Variants in C13orf46 observed in about 807,000 individuals in gnomAD.
The protein encoded by C13orf46 is chromosome 13 open reading frame 46, also known as uncharacterized protein C13orf46.
chr13:113,960,314 C>T (rs2052577284), intron 6 of C13orf46, among the ~76,000 whole-genome samples: 1 of 152,142 alleles, frequency 6.6e-6, no homozygotes, highest in Admixed American at 6.5e-5. Flanking sequence ...AAAGATTGGT[C>T]CCCTATGTCA....
the C13orf46 span, among the ~76,000 whole-genome samples, chr13:113,946,158 G>A: frequency 3.3e-5 from 5 of 152,170 alleles, no homozygotes; most frequent in South Asian, 2.1e-4. Flanking sequence ...GATTGGTGAC[G>A]GCTTTATTTG....
chr13:113,943,742 G>A, the C13orf46 span, among the ~76,000 whole-genome samples: 5 of 152,196 alleles, frequency 3.3e-5, no homozygotes, highest in Non-Finnish European at 5.9e-5. Context: ...TCTGTTGGTG[G>A]GTGATGACGA....
At chr13:113,943,691 C>T in the C13orf46 span, among the ~76,000 whole-genome samples, 1 of 152,242 alleles carries the variant, frequency 6.6e-6, no homozygotes, top group South Asian at 2.1e-4. Context: ...GAGGTCCACT[C>T]AGATGGTTGG....
intron 2 of C13orf46, among the ~76,000 whole-genome samples, 159 bp downstream of exon 2, chr13:113,970,012 C>A (rs1273077472): frequency 1.3e-5 from 2 of 152,116 alleles, no homozygotes; most frequent in African/African-American, 4.8e-5. Flanking sequence ...CCATCCAGGC[C>A]CTGCGCGGGG....
chr13:113,971,038 G>A (rs569390808), intron 1 of C13orf46, among the ~76,000 whole-genome samples: 20 of 152,324 alleles, frequency 1.3e-4, no homozygotes, highest in African/African-American at 4.8e-4. Flanking sequence ...ACAGCCTTGT[G>A]AGGAAGTCAT....
chr13:113,939,593 AG>A, the C13orf46 span, among the ~76,000 whole-genome samples: 1 of 152,226 alleles, frequency 6.6e-6, no homozygotes, highest in Non-Finnish European at 1.5e-5. Flanking sequence ...TGCAATAAGC[AG>A]CCGCCTCCTC....
the C13orf46 span, among the ~76,000 whole-genome samples, chr13:113,946,901 C>A: frequency 6.6e-6 from 1 of 152,350 alleles, no homozygotes; most frequent in Non-Finnish European, 1.5e-5. Flanking sequence ...AGCCCCACAG[C>A]GGCGATAGGA....
chr13:113,957,443 G>A (rs2052546807), intron 6 of C13orf46, among the ~76,000 whole-genome samples: 3 of 112,568 alleles, frequency 2.7e-5, no homozygotes, highest in East Asian at 2.8e-4. Flanking sequence ...GGTCTCCCCT[G>A]CACTCTGCCT....
At chr13:113,961,731 A>T (rs1165738057) in intron 6 of C13orf46, among the ~76,000 whole-genome samples, 1 of 152,186 alleles carries the variant, frequency 6.6e-6, no homozygotes, top group Non-Finnish European at 1.5e-5. Flanking sequence ...TTTTTTTCCA[A>T]TCTGTAGTTA....
intron 5 of C13orf46, among the ~76,000 whole-genome samples, chr13:113,966,561 G>T (rs1028825624): frequency 2.2e-4 from 33 of 151,546 alleles, no homozygotes; most frequent in African/African-American, 6.5e-4. Flanking sequence ...TAATAGTGAC[G>T]ATGATGGTGA....
the C13orf46 span, among the ~76,000 whole-genome samples, chr13:113,944,338 G>C: frequency 3.3e-5 from 5 of 152,214 alleles, no homozygotes; most frequent in Non-Finnish European, 5.9e-5. Context: ...TCTGATCCCG[G>C]CTCTGCTGAG....
At chr13:113,960,136 A>C (rs917958378) in intron 6 of C13orf46, among the ~76,000 whole-genome samples, 87 of 152,162 alleles carry the variant, frequency 5.7e-4, no homozygotes, top group Non-Finnish European at 9.9e-4. Context: ...GGGCGCCTGT[A>C]GTCTCAGCTA....
the C13orf46 span, among the ~76,000 whole-genome samples, chr13:113,935,939 C>G: frequency 6.6e-6 from 1 of 152,254 alleles, no homozygotes; most frequent in Non-Finnish European, 1.5e-5. Flanking sequence ...TGGACGCAGT[C>G]ACACTGGATA....
At chr13:113,968,959 G>T (rs2052676910) in intron 2 of C13orf46, among the ~76,000 whole-genome samples, 199 bp from the exon 3 acceptor site, 1 of 152,224 alleles carries the variant, frequency 6.6e-6, no homozygotes, top group African/African-American at 2.4e-5. Flanking sequence ...TCCCTCTGCT[G>T]GCCCATCTTG....
chr13:113,934,254 C>A, the C13orf46 span, among the ~76,000 whole-genome samples: 1 of 152,234 alleles, frequency 6.6e-6, no homozygotes, highest in Non-Finnish European at 1.5e-5. Flanking sequence ...GACAATGGGG[C>A]TGTTCCCAGG....
At chr13:113,945,606 A>AGAGAGAGAG in the C13orf46 span, among the ~76,000 whole-genome samples, 10 of 33,576 alleles carry the variant, frequency 3.0e-4, no homozygotes, top group Admixed American at 2.5e-3. Context: ...AGAAAGAAAG[A>AGAGAGAGAG]AGAAAGAAAG....
chr13:113,944,282 C>T, the C13orf46 span, among the ~76,000 whole-genome samples: 2 of 152,286 alleles, frequency 1.3e-5, no homozygotes, highest in South Asian at 2.1e-4. Flanking sequence ...GGTCACCTCA[C>T]TGCCGGGACC....
chr13:113,945,578 AGAGAGAGAGAGAGAGAAAGAAAGAAAG>A, the C13orf46 span, among the ~76,000 whole-genome samples: 24 of 130,010 alleles, frequency 1.8e-4, no homozygotes, highest in African/African-American at 6.5e-4. Flanking sequence ...AGAAAGAAAG[AGAGAGAGAGAGAGAGAAAGAAAGAAAG>A]AAGAAAGAAA....
At chr13:113,947,924 C>T in the C13orf46 span, among the ~76,000 whole-genome samples, 1 of 152,250 alleles carries the variant, frequency 6.6e-6, no homozygotes, top group Non-Finnish European at 1.5e-5. Flanking sequence ...GACCCCTCCT[C>T]CATGATTCTG....
Sources: gnomAD v4.1 joint callset for allele counts (sites outside exome capture counted in the v4.1 genomes callset) on GRCh38, gnomAD v4.1.1 for gene constraint, MANE v1.5 for transcripts, NCBI Gene and HGNC (gene_info 2026-07-23, HGNC 2026-07-21) for gene names.